Variants in DNAH5 observed in about 807,000 individuals in gnomAD.
DNAH5 encodes the protein axonemal beta dynein heavy chain 5.
DNAH5 carries 372 observed loss-of-function variants against 518.2 expected under a neutral mutation model. The observed-to-expected ratio is 0.72, with a 90% CI of 0.66 to 0.78. The LOEUF (loss-of-function observed/expected upper bound fraction) is 0.78. Among genes scored for constraint, DNAH5 ranks in the 30% least tolerant of loss-of-function variants. DNAH5 has a pLI of 0.00. For synonymous variants in DNAH5, 2,039 were observed against 2,025.9 expected, an observed-to-expected ratio of 1.01 and a Z score of -0.17; for missense variants, 5,523 against 5,687.0, an observed-to-expected ratio of 0.97 and a Z score of 0.93.
intron 50 of DNAH5, among the ~76,000 whole-genome samples, chr5:13,790,098 G>A (rs1756715276): frequency 6.6e-6 from 1 of 152,222 alleles, no homozygotes; most frequent in African/African-American, 2.4e-5. Flanking sequence ...TATGCTATTG[G>A]TGGGAGTGTA....
intron 1 of DNAH5, among the ~76,000 whole-genome samples, chr5:13,963,041 A>G (rs1561012367): frequency 6.6e-6 from 1 of 151,890 alleles, no homozygotes; most frequent in Non-Finnish European, 1.5e-5. Flanking sequence ...AGAACCAGCC[A>G]CCTTCTCCCT....
At position 13,751,205 on chromosome 5, in the gene DNAH5, GTAATGTAGAGTC is replaced by G; in HGVS notation, c.11072_11083del (p.Arg3691_Ile3694del). The G allele has an allele frequency of 6.2e-7, 1 of 1,613,874 alleles. No homozygotes were observed. The highest frequency in any genetic ancestry group is 8.5e-7 in the Non-Finnish European group (1 of 1,179,918). On this transcript the variant is annotated inframe_deletion, in exon 65 of 79. Coordinates refer to ENST00000265104, the MANE Select transcript of DNAH5 (RefSeq NM_001369.3). Reference sequence around the variant, plus strand: ...GTAGGCTGGGTTAGGCAATTTGGTGGTAATGTAGAGTCTAAAGCCATCCAACACATCTACTTC... The same window carrying G: ...GTAGGCTGGGTTAGGCAATTTGGTGGTAAAGCCATCCAACACATCTACTTC...
chr5:13,790,011 C>A (rs1314337561), intron 50 of DNAH5, among the ~76,000 whole-genome samples: 1 of 152,140 alleles, frequency 6.6e-6, no homozygotes, highest in Non-Finnish European at 1.5e-5. Context: ...TACAATATCA[C>A]ATCAGTCAGA....
chr5:13,692,239 G>T, intron 78 of DNAH5, 104 bp from the exon 79 acceptor site: 2 of 1,315,584 alleles, frequency 1.5e-6, no homozygotes, highest in Non-Finnish European at 1.1e-6. Context: ...TTCAAAAACA[G>T]ATGGGTTTGG....
intron 30 of DNAH5, among the ~76,000 whole-genome samples, chr5:13,857,279 A>C (rs980600850): frequency 6.6e-5 from 10 of 152,210 alleles, no homozygotes; most frequent in Non-Finnish European, 1.3e-4. Flanking sequence ...CAAAGATAAT[A>C]AAATACCTAG....
At position 13,911,369 on chromosome 5, in the gene DNAH5, T is replaced by C. The variant is rs141672120; in HGVS notation, c.1644+17A>G. On this transcript the variant is annotated intron_variant, in intron 12 of 78. Coordinates refer to ENST00000265104, the MANE Select transcript of DNAH5 (RefSeq NM_001369.3). ...TAAACACACGACTGTCAACAGGAAT[T>C]TTATTATACAACCTACATGAAGGTC... is the stretch of plus-strand genomic sequence containing the variant. 3.1e-6 allele frequency: 5 copies of C among 1,596,618 alleles called. No homozygotes were observed. The South Asian group carries it at 4.4e-5, about 14-fold the overall frequency.
At chr5:13,960,795 C>T (rs1781123903) in intron 1 of DNAH5, among the ~76,000 whole-genome samples, 1 of 152,232 alleles carries the variant, frequency 6.6e-6, no homozygotes, top group Admixed American at 6.5e-5. Flanking sequence ...CGCACCATGC[C>T]TCACTTACTC....
chr5:13,716,777 C>A, intron 73 of DNAH5, 87 bp from the exon 74 acceptor site: 1 of 871,662 alleles, frequency 1.1e-6, no homozygotes, highest in Non-Finnish European at 1.9e-6. Context: ...TATTCACTTT[C>A]AACATCATTC....
chr5:13,826,907 G>C (rs1437656515), intron 38 of DNAH5, among the ~76,000 whole-genome samples: 1 of 152,220 alleles, frequency 6.6e-6, no homozygotes, highest in Non-Finnish European at 1.5e-5. Context: ...CAGAAGACAA[G>C]AAGACATGAA....
At chr5:13,709,139 G>A (rs1743174259) in intron 75 of DNAH5, among the ~76,000 whole-genome samples, 1 of 152,146 alleles carries the variant, frequency 6.6e-6, no homozygotes, top group Admixed American at 6.6e-5. Context: ...TTGACTAAAG[G>A]TCCTTAAGTT....
chr5:13,720,898 T>C (rs1434815123), intron 71 of DNAH5, 102 bp downstream of exon 71: 3 of 1,509,942 alleles, frequency 2.0e-6, no homozygotes, highest in Non-Finnish European at 2.7e-6. Context: ...GCAGGCAGCA[T>C]GTAAATTTAA....
intron 11 of DNAH5, 140 bp downstream of exon 11, chr5:13,913,603 T>C: frequency 9.9e-7 from 1 of 1,009,238 alleles, no homozygotes. Context: ...CTAATTTCTT[T>C]ATTGTTAAAA....
At chr5:13,841,153 C>A in intron 33 of DNAH5, 23 bp from the exon 34 acceptor site, 1 of 1,575,778 alleles carries the variant, frequency 6.3e-7, no homozygotes, top group Non-Finnish European at 8.7e-7. Context: ...AAAAAGGCTT[C>A]ATGAATTTGT....
intron 31 of DNAH5, among the ~76,000 whole-genome samples, chr5:13,845,700 T>C (rs1765890369): frequency 1.3e-5 from 2 of 152,220 alleles, no homozygotes; most frequent in African/African-American, 4.8e-5. Context: ...TTTTCTAGCA[T>C]ATTTTGTTAT....
At chr5:13,932,565 T>A (rs1328378421) in intron 1 of DNAH5, 1 of 152,212 alleles carries the variant, frequency 6.6e-6, no homozygotes, top group East Asian at 1.9e-4. Context: ...AAAAGTCAGA[T>A]AATAAATATT....
intron 31 of DNAH5, among the ~76,000 whole-genome samples, chr5:13,847,190 C>T (rs116004930): frequency 5.3e-5 from 8 of 152,174 alleles, no homozygotes; most frequent in South Asian, 2.1e-4. Context: ...TGCTGATCCT[C>T]GACAGCTTGG....
At position 13,989,198 on chromosome 5, in the gene DNAH5, G is replaced by A. The variant is rs148849388; in HGVS notation, c.12+22450C>T. 7.2e-5 allele frequency among the ~76,000 whole-genome samples: 11 copies of A among 152,180 alleles called. No individual in the cohort carries two copies. In the East Asian group the frequency reaches 1.9e-3, roughly 27 times the overall value. On this transcript the variant is annotated intron_variant, in intron 1 of 78. Coordinates refer to the DNAH5 transcript ENST00000681290. ...AGGGATATTGTGATAACAACAGTGG[G>A]TGGAACTATTTCTTTCTAATGATTC...
intron 1 of DNAH5, among the ~76,000 whole-genome samples, chr5:13,932,766 C>T (rs1195825026): frequency 6.6e-6 from 1 of 152,142 alleles, no homozygotes; most frequent in African/African-American, 2.4e-5. Context: ...TGGTGGCATT[C>T]CCAGACACTG....
At chr5:13,749,054 T>C (rs868613500) in intron 65 of DNAH5, among the ~76,000 whole-genome samples, 1 of 151,716 alleles carries the variant, frequency 6.6e-6, no homozygotes, top group Non-Finnish European at 1.5e-5. Context: ...GATTCAGGAA[T>C]ATGCTGGGAA....
Sources: allele counts gnomAD v4.1 joint callset (sites outside exome capture counted in the v4.1 genomes callset), GRCh38; gene constraint gnomAD v4.1.1; transcripts MANE v1.5; gene names NCBI Gene and HGNC (gene_info 2026-07-23, HGNC 2026-07-21).